The following CEP290 variants were observed in gnomAD, a reference collection of about 807,000 sequenced individuals.
The protein encoded by CEP290 is centrosomal protein of 290 kDa.
In CEP290, 317 loss-of-function variants were observed where a neutral mutation model predicts 344.9. The observed-to-expected ratio is 0.92, with a 90% CI of 0.84 to 1.01. The LOEUF (loss-of-function observed/expected upper bound fraction) is 1.01. CEP290 is among the 50% of genes least tolerant of loss of function. CEP290 has a pLI of 0.00. For missense variants in CEP290, 2,754 were observed against 2,761.4 expected, an observed-to-expected ratio of 1.00 and a Z score of 0.06; for synonymous variants, 932 against 895.8, an observed-to-expected ratio of 1.04 and a Z score of -0.72.
Position 88,092,701 on chromosome 12 carries a change from T to C in CEP290, c.3441A>G (p.Glu1147=), listed in dbSNP as rs2137341183. The stretch of plus-strand genomic sequence containing the variant: ...CTTACTTTGACACTTCAACTTTTAG[T>C]TCCATTTCATTCTTCTCTAATTCTA... ...RILELEKNEM[E]LKVEVSKLRE... Residue 1147 remains glutamate (E), a synonymous_variant, in exon 29 of 54, where the codon GAA becomes GAG. Coordinates refer to ENST00000552810, the MANE Select transcript of CEP290 (RefSeq NM_025114.4). The C allele has an allele frequency of 6.2e-7, 1 of 1,609,304 alleles. No individual in the cohort carries two copies.
In CEP290 at chr12:88,083,048, A is replaced by T. The variant is rs772088416; in HGVS notation, c.4995T>A (p.Phe1665Leu). 4 of 1,503,290 alleles carry T rather than the reference A, an allele frequency of 2.7e-6. No individual in the cohort carries two copies. Among genetic ancestry groups the T allele is most frequent in the Non-Finnish European group, 3.6e-6 (4 of 1,119,734 alleles). The allele number at this position is 1,503,290 out of a possible 1,614,324, so 93.1% of individuals were successfully genotyped here. A position where few individuals can be genotyped will look rare whatever the true frequency, so the allele number is the denominator to read the frequency against. The change falls in exon 37 of 54, where the codon TTT becomes TTA. Residue 1665 changes from phenylalanine (F) to leucine (L), a missense_variant. Coordinates refer to ENST00000552810, the MANE Select transcript of CEP290 (RefSeq NM_025114.4). ...AGACTTACTGTAATTTGATATTTTC[A>T]AATTCTTTTACTTTTAATTCAGTGA... The part of the protein sequence containing the change: ...REITELKVKE[F>L]ENIKLQLQEN...
chr12:88,132,468 T>G (rs1437333522), intron 6 of CEP290, among the ~76,000 whole-genome samples: 1 of 152,204 alleles, frequency 6.6e-6, no homozygotes, highest in Non-Finnish European at 1.5e-5. Flanking sequence ...AATATTAAAA[T>G]TCCTGAGCAT....
At chr12:88,088,920 G>C (rs751057304) in intron 31 of CEP290, 112 bp downstream of exon 31, 1 of 647,976 alleles carries the variant, frequency 1.5e-6, no homozygotes, top group African/African-American at 1.9e-5. Flanking sequence ...GCTGAGGCTA[G>C]AGAGTCCCTT....
At chr12:88,114,325 A>C in intron 20 of CEP290, 95 bp downstream of exon 20, 1 of 1,000,262 alleles carries the variant, frequency 1.0e-6, no homozygotes, top group Non-Finnish European at 1.4e-6. Context: ...CAAATGACTA[A>C]AAATATCTCA....
chr12:88,126,137 A>C (rs189189029), intron 12 of CEP290, among the ~76,000 whole-genome samples, 179 bp downstream of exon 12: 10 of 152,226 alleles, frequency 6.6e-5, no homozygotes, highest in Non-Finnish European at 1.5e-4. Flanking sequence ...CGTGATCTAA[A>C]CTTAATTCTA....
intron 6 of CEP290, chr12:88,135,593 T>C (rs2040313069): frequency 6.6e-6 from 1 of 152,204 alleles, no homozygotes; most frequent in African/African-American, 2.4e-5. Flanking sequence ...CACATTGTTT[T>C]CATAGCTAAC....
chr12:88,083,498 C>T (rs2036342913), intron 36 of CEP290, among the ~76,000 whole-genome samples: 1 of 151,978 alleles, frequency 6.6e-6, no homozygotes, highest in South Asian at 2.1e-4. Flanking sequence ...TAAGGTTACA[C>T]ATTAAAAGAT....
chr12:88,091,979 C>G (rs1359575926), intron 29 of CEP290, among the ~76,000 whole-genome samples: 1 of 152,080 alleles, frequency 6.6e-6, no homozygotes. Flanking sequence ...GTGGCGCGAT[C>G]TCGGCTCACT....
In CEP290 at chr12:88,125,350, C is replaced by T; in HGVS notation, c.1085G>A (p.Ser362Asn). Residue 362 changes from serine to asparagine, a missense_variant, in exon 13 of 54, where the codon AGT (serine) becomes AAT (asparagine). Transcript: ENST00000552810. ...TTGTTCGGTGAGCATCTTAATTTGA[C>T]TGTCTCGTTCCTGTATACCCTATAA... is the stretch of plus-strand genomic sequence containing the variant. ...ALQQGIQERD[S>N]QIKMLTEQVE... 1.5e-6 allele frequency: 2 copies of T among 1,315,686 alleles called. No individual in the cohort carries two copies. 81.5% of individuals were successfully genotyped at this position (1,315,686 alleles called of 1,614,324 possible). A position where few individuals can be genotyped will look rare whatever the true frequency, so the allele number is the denominator to read the frequency against.
At chr12:88,107,194 C>A in intron 23 of CEP290, 96 bp from the exon 24 acceptor site, 1 of 717,688 alleles carries the variant, frequency 1.4e-6, no homozygotes, top group Non-Finnish European at 2.2e-6. Flanking sequence ...AAAGTTTTCT[C>A]AACACAAGAG....
At chr12:88,066,473 CTT>C (rs71448728) in intron 44 of CEP290, among the ~76,000 whole-genome samples, 1 of 4,944 alleles carries the variant, frequency 2.0e-4, no homozygotes, top group Non-Finnish European at 1.2e-3. Flanking sequence ...CTAATTGTTT[CTT>C]TTTTTTTTTT....
chr12:88,113,053 T>C (rs1282235159), intron 20 of CEP290, among the ~76,000 whole-genome samples: 2 of 152,106 alleles, frequency 1.3e-5, no homozygotes, highest in African/African-American at 4.8e-5. Flanking sequence ...TAGAGAAGTA[T>C]TGCTAGGTGA....
At chr12:88,106,020 T>C (rs565193562) in intron 25 of CEP290, among the ~76,000 whole-genome samples, 3 of 152,254 alleles carry the variant, frequency 2.0e-5, no homozygotes, top group South Asian at 2.1e-4. Context: ...CCTTCCAAAA[T>C]GTTGGAATTA....
intron 22 of CEP290, 71 bp from the exon 23 acceptor site, chr12:88,109,252 A>C: frequency 3.4e-6 from 2 of 593,804 alleles, no homozygotes; most frequent in Non-Finnish European, 5.9e-6. Flanking sequence ...TGAAAGTATA[A>C]ATTCATATTC....
Position 88,118,483 on chromosome 12 carries a change from C to T in CEP290, c.1711G>A (p.Gly571Arg). The change falls in exon 17 of 54, where the codon GGA becomes AGA. Residue 571 changes from glycine (G) to arginine (R), a missense_variant and splice_region_variant. Coordinates refer to ENST00000552810, the MANE Select transcript of CEP290 (RefSeq NM_025114.4). ...AAAGGTTTAGAATAACTGAGTATAC[C>T]TGAAGTTGCACTTCTTTTTCCTCTT... is the stretch of plus-strand genomic sequence containing the variant. ...QERGKRSATS[G>R]LTTEDLNLTE... is the part of the protein sequence containing the mutation. 2 of 1,553,054 alleles carry T rather than the reference C, an allele frequency of 1.3e-6. No individual in the cohort carries two copies. Among genetic ancestry groups the T allele is most frequent in the South Asian group, 1.2e-5 (1 of 84,220 alleles).
Position 88,111,293 on chromosome 12 carries a change from A to G in CEP290, c.2276T>C (p.Val759Ala). 6.4e-7 allele frequency: 1 copy of G among 1,560,562 alleles called. No homozygotes were observed. Among genetic ancestry groups the G allele is most frequent in the Non-Finnish European group, 8.7e-7 (1 of 1,152,206 alleles). The change falls in exon 22 of 54, where the codon GTT (valine) becomes GCT (alanine). Residue 759 changes from valine to alanine, a missense_variant. Val to Ala is a moderately conservative substitution (Grantham distance 64). Coordinates refer to ENST00000552810, the MANE Select transcript of CEP290 (RefSeq NM_025114.4). ...ATCAGGTAAGTCAATTCCTTTAAAA[A>G]CAACATTTGATCCTTCTGATTGTCG... ...LLRQSEGSNV[V>A]FKGIDLPDGI... is the part of the protein sequence containing the mutation.
At chr12:88,076,114 T>G (rs1431285326) in intron 41 of CEP290, among the ~76,000 whole-genome samples, 1 of 152,122 alleles carries the variant, frequency 6.6e-6, no homozygotes, top group South Asian at 2.1e-4. Flanking sequence ...CTATCCCCAT[T>G]TAGGGATAAG....
rs1327918525 is a variant in CEP290 at position 88,071,369 on chromosome 12, G to A, written c.5936C>T (p.Ala1979Val). ...MTVDQVLGIR[A>V]LESEKELEEL... ...TTCCAATTCTTTTTCTGACTCCAAA[G>A]CTCGTATTCCCAAAACCTGATCAAC... The change falls in exon 43 of 54, where the codon GCT (alanine) becomes GTT (valine). Residue 1979 changes from alanine to valine, a missense_variant. Transcript: ENST00000552810. 8 of 1,610,146 alleles carry A rather than the reference G, an allele frequency of 5.0e-6. No individual in the cohort carries two copies. Among genetic ancestry groups the A allele is most frequent in the Non-Finnish European group, 6.8e-6 (8 of 1,177,440 alleles).
Position 88,115,089 on chromosome 12 carries a change from G to C in CEP290, c.1909+9C>G, listed in dbSNP as rs2038957507. 7.4e-7 allele frequency: 1 copy of C among 1,356,158 alleles called. No homozygotes were observed. The highest frequency in any genetic ancestry group is 1.0e-6 in the Non-Finnish European group (1 of 978,174). The allele number at this position is 1,356,158 out of a possible 1,614,324, so 84.0% of individuals were successfully genotyped here. On this transcript the variant is annotated intron_variant, in intron 19 of 53. Transcript: ENST00000552810. Reference sequence around the variant, plus strand: ...AAGAACAGAAAAGTAAAAGATAATTGTAACTTACATTTATTCTGAAATTTG... The same window carrying C: ...AAGAACAGAAAAGTAAAAGATAATTCTAACTTACATTTATTCTGAAATTTG...
Sources: allele counts gnomAD v4.1 joint callset (sites outside exome capture counted in the v4.1 genomes callset), GRCh38; gene constraint gnomAD v4.1.1; transcripts MANE v1.5; gene names NCBI Gene and HGNC (gene_info 2026-07-23, HGNC 2026-07-21).